Variants in RSPH14 observed in about 807,000 individuals in gnomAD.
RSPH14 encodes rhabdoid tumor deletion region gene 1.
Under a neutral mutation model 26.7 loss-of-function variants are expected in RSPH14, and 20 were observed. The ratio of observed to expected loss-of-function variants is 0.75; its 90% CI spans 0.53 to 1.09. RSPH14 has a LOEUF of 1.09. Ranked by LOEUF, RSPH14 falls within the 50% of genes least tolerant of loss-of-function variation. RSPH14 has a pLI of 0.00. For missense variants in RSPH14, 449 were observed against 457.2 expected, an observed-to-expected ratio of 0.98 and a Z score of 0.16; for synonymous variants, 177 against 189.3, an observed-to-expected ratio of 0.93 and a Z score of 0.53.
At chr22:23,098,353 A>G (rs2069185059) in intron 4 of RSPH14, among the ~76,000 whole-genome samples, 1 of 152,040 alleles carries the variant, frequency 6.6e-6, no homozygotes, top group Non-Finnish European at 1.5e-5. Context: ...TTACTCCTCC[A>G]TCTAGTGATG....
chr22:23,077,913 C>T (rs2068550703), intron 4 of RSPH14, among the ~76,000 whole-genome samples: 2 of 152,334 alleles, frequency 1.3e-5, no homozygotes, highest in Non-Finnish European at 2.9e-5. Flanking sequence ...CTACCCCTAA[C>T]TGTGGCCAGG....
chr22:23,063,074 C>CAG (rs1035770889), intron 5 of RSPH14, among the ~76,000 whole-genome samples: 21 of 152,200 alleles, frequency 1.4e-4, no homozygotes, highest in African/African-American at 2.4e-4. Context: ...GTTACAGTTT[C>CAG]AGAGAGAGAG....
intron 4 of RSPH14, among the ~76,000 whole-genome samples, chr22:23,069,668 G>A (rs1330763792): frequency 1.3e-5 from 2 of 152,178 alleles, no homozygotes; most frequent in Non-Finnish European, 2.9e-5. Flanking sequence ...CGTGTGCCAG[G>A]ATTGCCAGGG....
intron 4 of RSPH14, among the ~76,000 whole-genome samples, chr22:23,100,536 G>C (rs2069269108): frequency 6.6e-6 from 1 of 152,248 alleles, no homozygotes; most frequent in Admixed American, 6.5e-5. Flanking sequence ...CTCCAGGCAG[G>C]TGGTCTATGC....
At chr22:23,152,369 C>T in the RSPH14 span, 1 of 1,344,014 alleles carries the variant, frequency 7.4e-7, no homozygotes, top group Non-Finnish European at 1.1e-6. Flanking sequence ...GGGTGTCTCA[C>T]CAGCAGAGAG....
chr22:23,174,235 T>G, the RSPH14 span, among the ~76,000 whole-genome samples: 1 of 151,814 alleles, frequency 6.6e-6, no homozygotes, highest in Admixed American at 6.6e-5. Context: ...GTGTGTGTGT[T>G]TTGATTTTAA....
chr22:23,164,735 G>C, the RSPH14 span, among the ~76,000 whole-genome samples: 1 of 152,038 alleles, frequency 6.6e-6, no homozygotes, highest in African/African-American at 2.4e-5. Context: ...TGTTTCCCTG[G>C]ACCCTTTCCT....
intron 4 of RSPH14, chr22:23,123,502 A>G: frequency 3.0e-6 from 3 of 992,224 alleles, no homozygotes; most frequent in Non-Finnish European, 4.6e-6. Flanking sequence ...CGTGCTAGAG[A>G]GGCCCAATCC....
At chr22:23,152,916 A>T in the RSPH14 span, 19 of 758,422 alleles carry the variant, frequency 2.5e-5, no homozygotes, top group Non-Finnish European at 4.1e-5. Flanking sequence ...TGCGTGGACC[A>T]TCGCTTCCTG....
intron 4 of RSPH14, among the ~76,000 whole-genome samples, chr22:23,099,184 G>A (rs142169342): frequency 2.0e-5 from 3 of 152,372 alleles, no homozygotes; most frequent in Non-Finnish European, 4.4e-5. Context: ...TCAGCACGTT[G>A]CCAAGGAGAA....
chr22:23,080,987 C>T (rs371567264), intron 4 of RSPH14, among the ~76,000 whole-genome samples: 3 of 152,298 alleles, frequency 2.0e-5, no homozygotes, highest in South Asian at 4.1e-4. Flanking sequence ...CCTTTGAGTC[C>T]GTTGTGATTG....
chr22:23,147,700 T>C (rs927226653), upstream of RSPH14, among the ~76,000 whole-genome samples: 3 of 152,104 alleles, frequency 2.0e-5, no homozygotes, highest in African/African-American at 7.2e-5. Context: ...TGCATAAGGA[T>C]AGGGGTTGGA....
the RSPH14 span, among the ~76,000 whole-genome samples, chr22:23,175,654 T>C: frequency 6.6e-6 from 1 of 152,202 alleles, no homozygotes; most frequent in Admixed American, 6.5e-5. Context: ...CATGATGATT[T>C]AGAAAATAAA....
chr22:23,118,023 G>A (rs1027733421), intron 4 of RSPH14, among the ~76,000 whole-genome samples: 6 of 152,318 alleles, frequency 3.9e-5, no homozygotes, highest in Admixed American at 6.5e-5. Context: ...CCCCAGACCC[G>A]CAGGCCAGCA....
At chr22:23,156,068 C>G in the RSPH14 span, 1 of 1,576,342 alleles carries the variant, frequency 6.3e-7, no homozygotes, top group Non-Finnish European at 8.7e-7. Flanking sequence ...CAACTGCATG[C>G]AGCAGCGGGG....
chr22:23,178,576 G>C, the RSPH14 span, among the ~76,000 whole-genome samples: 2 of 152,226 alleles, frequency 1.3e-5, no homozygotes, highest in Non-Finnish European at 1.5e-5. Flanking sequence ...GAGAAGGTCC[G>C]CTGGGTCCAA....
At chr22:23,128,427 T>C (rs1295754814) in intron 4 of RSPH14, among the ~76,000 whole-genome samples, 2 of 152,202 alleles carry the variant, frequency 1.3e-5, no homozygotes, top group Admixed American at 1.3e-4. Context: ...TGGCAGCCTG[T>C]GTGTGACATC....
intron 4 of RSPH14, among the ~76,000 whole-genome samples, chr22:23,083,882 G>A (rs1274407272): frequency 6.6e-6 from 1 of 152,232 alleles, no homozygotes; most frequent in Non-Finnish European, 1.5e-5. Context: ...TCCTGATGCT[G>A]CAGTAGTCAG....
chr22:23,150,364 C>T, the RSPH14 span, among the ~76,000 whole-genome samples: 1 of 146,308 alleles, frequency 6.8e-6, no homozygotes, highest in Non-Finnish European at 1.5e-5. Context: ...TGCAGTGGTG[C>T]GATCTCAGCT....
Sources: allele counts gnomAD v4.1 joint callset (sites outside exome capture counted in the v4.1 genomes callset), GRCh38; gene constraint gnomAD v4.1.1; transcripts MANE v1.5; gene names NCBI Gene and HGNC (gene_info 2026-07-23, HGNC 2026-07-21).